The following ZNF800 variants were observed in gnomAD, a reference collection of about 807,000 sequenced individuals.
The protein encoded by ZNF800 is zinc finger protein 800.
ZNF800 carries 13 observed loss-of-function variants against 59.5 expected under a neutral mutation model. That is an observed-to-expected ratio of 0.22 (90% confidence interval 0.14 to 0.35). ZNF800 has a LOEUF of 0.35. Among genes scored for constraint, ZNF800 ranks in the 10% least tolerant of loss-of-function variants. The pLI, the probability that ZNF800 is intolerant of heterozygous loss-of-function variation, is 1.00. For synonymous variants in ZNF800, 266 were observed against 265.7 expected (o/e 1.00, Z -0.01); for missense variants, 621 against 783.7 (o/e 0.79, Z 2.48).
chr7:127,358,815 G>A (rs1169170633), intron 1 of ZNF800, among the ~76,000 whole-genome samples: 1 of 152,008 alleles, frequency 6.6e-6, no homozygotes, highest in Non-Finnish European at 1.5e-5. Context: ...TCAGTGCCTC[G>A]CACGAAGCAG....
At chr7:127,347,389 T>TGGGGGGGGGGGGGGGGGGGGGGG (rs1163306523) in exon 2 of ZNF800, 2 of 37,096 alleles carry the variant, frequency 5.4e-5, no homozygotes, top group African/African-American at 1.0e-4. Context: ...GGCGGGGGGG[T>TGGGGGGGGGGGGGGGGGGGGGGG]GGGGAGGTGG....
At chr7:127,346,129 G>T (rs1800059267), downstream of ZNF800, among the ~76,000 whole-genome samples, 1 of 152,150 alleles carries the variant, frequency 6.6e-6, no homozygotes, top group South Asian at 2.1e-4. Context: ...AAAAAGGAAG[G>T]TTACCAAGGT....
At chr7:127,378,126 T>C (rs1458207727) in intron 3 of ZNF800, among the ~76,000 whole-genome samples, 3 of 152,114 alleles carry the variant, frequency 2.0e-5, no homozygotes, top group East Asian at 3.9e-4. Context: ...AGAATAAGCC[T>C]ATCTTATTTA....
rs576871953 is a variant in ZNF800, at chr7:127,377,541, A to G, written c.158-212T>C. Among the ~76,000 whole-genome samples the G allele has an allele frequency of 5.9e-5, 9 of 152,096 alleles. No homozygotes were observed. In the South Asian group the frequency reaches 1.9e-3, roughly 31 times the overall value. ...CTATCATTTGGAAATCAGGAGAACT[A>G]AAATTGATGCTGTGTTCCCACTTCA... On this transcript the variant is annotated intron_variant, in intron 3 of 5. Coordinates refer to ENST00000265827, the MANE Select transcript of ZNF800 (RefSeq NM_176814.5). The surrounding 1 kb of genome is among the most constrained non-coding windows in gnomAD (Gnocchi z 4.7).
At chr7:127,358,571 TG>T (rs1800323711) in intron 1 of ZNF800, among the ~76,000 whole-genome samples, 1 of 152,146 alleles carries the variant, frequency 6.6e-6, no homozygotes, top group Non-Finnish European at 1.5e-5. Context: ...CTTCTTGATT[TG>T]GCCATTTCCC....
At chr7:127,376,420 T>A (rs924270114) in intron 4 of ZNF800, among the ~76,000 whole-genome samples, 8 of 152,066 alleles carry the variant, frequency 5.3e-5, no homozygotes, top group Non-Finnish European at 1.0e-4. Flanking sequence ...TGAATTTTTT[T>A]AAATTTACAT....
intron 1 of ZNF800, among the ~76,000 whole-genome samples, chr7:127,364,938 C>T (rs1800473803): frequency 6.6e-6 from 1 of 151,998 alleles, no homozygotes; most frequent in Admixed American, 6.6e-5. Context: ...GAAATGATAA[C>T]CAATCAACTC....
At position 127,373,570 on chromosome 7, in the gene ZNF800, T is replaced by C. The variant is rs1406015582; in HGVS notation, c.1766A>G (p.His589Arg). Residue 589 changes from histidine to arginine, a missense_variant, in exon 5 of 6, where the codon CAT (histidine) becomes CGT (arginine). By Grantham distance (29) the His-to-Arg change is conservative. Around this residue, in one of 7 missense-constraint regions of ZNF800, gnomAD observed 94 missense variants for 108.5 expected, o/e 0.87. Transcript: ENST00000265827. ...RDEAKHSDSK[H>R]DGTSNSPSKK... The stretch of plus-strand genomic sequence containing the variant: ...ACTAGGAGAGTTAGAAGTGCCATCA[T>C]GTTTTGAATCACTATGTTTTGCTTC... The C allele has an allele frequency of 6.2e-7, 1 of 1,614,198 alleles. No homozygotes were observed. The highest frequency in any genetic ancestry group is 8.5e-7 in the Non-Finnish European group (1 of 1,180,028).
intron 2 of ZNF800, among the ~76,000 whole-genome samples, chr7:127,390,829 T>G (rs1032020605): frequency 1.3e-5 from 2 of 152,212 alleles, no homozygotes; most frequent in African/African-American, 4.8e-5. Context: ...TAAAGTTTGC[T>G]AGTATTCTTC....
At position 127,370,526 on chromosome 7, in the gene ZNF800, G is replaced by C; in HGVS notation, c.*1288C>G. On this transcript the variant is annotated 3_prime_UTR_variant, in exon 6 of 6. Coordinates refer to ENST00000265827, the MANE Select transcript of ZNF800 (RefSeq NM_176814.5). ...GAAGGTAAATGTTTTTCTAGCTATAGAATCATTTTATTAAGACCTTGTGGA... is the reference window on the plus strand; with the variant it reads ...GAAGGTAAATGTTTTTCTAGCTATACAATCATTTTATTAAGACCTTGTGGA... The C allele has an allele frequency of 6.6e-6, 1 of 152,590 alleles. No individual in the cohort carries two copies. The highest frequency in any genetic ancestry group is 1.9e-4 in the East Asian group (1 of 5,176). 9.5% of individuals were successfully genotyped at this position (152,590 alleles called of 1,614,324 possible). A position where few individuals can be genotyped will look rare whatever the true frequency, so the allele number is the denominator to read the frequency against.
At chr7:127,366,835 G>T (rs1159996190), downstream of ZNF800, among the ~76,000 whole-genome samples, 1 of 152,086 alleles carries the variant, frequency 6.6e-6, no homozygotes, top group Non-Finnish European at 1.5e-5. Flanking sequence ...CTACAGACTG[G>T]CCAGCAACCT....
rs1800700823 is a variant in ZNF800 at position 127,373,752 on chromosome 7, A to G, written c.1584T>C (p.Thr528=). 5.6e-6 allele frequency: 9 copies of G among 1,614,168 alleles called. No homozygotes were observed. Among genetic ancestry groups the G allele is most frequent in the Non-Finnish European group, 7.6e-6 (9 of 1,180,026 alleles). The change falls in exon 5 of 6, where the codon ACT becomes ACC. Residue 528 remains threonine (T), a synonymous_variant. Coordinates refer to ENST00000265827, the MANE Select transcript of ZNF800 (RefSeq NM_176814.5). Reference sequence around the variant, plus strand: ...GTCGTATCACATCACGTTTCCGACGAGTTTCATAAGTGCAAAGAGGACACT... The same window carrying G: ...GTCGTATCACATCACGTTTCCGACGGGTTTCATAAGTGCAAAGAGGACACT... ...FYKCPLCTYE[T]RRKRDVIRHI... is the part of the protein sequence containing the mutation.
At chr7:127,356,631 ATTGTGTG>A (rs1270191693) in intron 1 of ZNF800, among the ~76,000 whole-genome samples, 2 of 152,024 alleles carry the variant, frequency 1.3e-5, no homozygotes, top group East Asian at 3.9e-4. Flanking sequence ...GGTTAATATA[ATTGTGTG>A]TTACAGCAGT....
chr7:127,353,604 G>T (rs555349116), intron 1 of ZNF800, among the ~76,000 whole-genome samples: 9 of 152,274 alleles, frequency 5.9e-5, no homozygotes, highest in African/African-American at 2.2e-4. Flanking sequence ...ATAATACATT[G>T]AGAAGGCCTG....
chr7:127,373,065 T>C (rs1475394707), intron 5 of ZNF800: 2 of 985,290 alleles, frequency 2.0e-6, no homozygotes, highest in African/African-American at 3.5e-5. Context: ...TTTTACAACA[T>C]TAAAAGGAAA....
At position 127,386,101 on chromosome 7, in the gene ZNF800, G is replaced by T. The variant is rs759999531; in HGVS notation, c.116C>A (p.Ser39Tyr). ...AATTATTTGTTGAATACCAGATTTG[G>T]ATGTCTGTAGTGGTTGCTGTAACAA... ...PPLLQQPLQT[S>Y]KSGIQQIIEC... is the part of the protein sequence containing the mutation. Residue 39 changes from serine (S) to tyrosine (Y), a missense_variant, in exon 3 of 6, where the codon TCC becomes TAC. By Grantham distance (144) the Ser-to-Tyr change is moderately radical. This residue lies in a region of ZNF800 where 57 missense variants were observed against 77.1 expected (regional missense o/e 0.74). Coordinates refer to ENST00000265827, the MANE Select transcript of ZNF800 (RefSeq NM_176814.5). 6.2e-7 allele frequency: 1 copy of T among 1,611,768 alleles called. No individual in the cohort carries two copies. The highest frequency in any genetic ancestry group is 1.7e-5 in the Admixed American group (1 of 59,872).
At position 127,392,247 on chromosome 7, in the gene ZNF800, G is replaced by T; in HGVS notation, c.-246C>A. On this transcript the variant is annotated 5_prime_UTR_variant, in exon 1 of 6. Transcript: ENST00000265827. ...TCCCCGCCGGCGCTGACGCGGAAGCGCCACAGCTCACCACGTCCCTCCGCG... is the reference window on the plus strand; with the variant it reads ...TCCCCGCCGGCGCTGACGCGGAAGCTCCACAGCTCACCACGTCCCTCCGCG... The T allele has an allele frequency of 5.1e-6, 2 of 393,586 alleles. No individual in the cohort carries two copies. The highest frequency in any genetic ancestry group is 6.4e-4 in the Middle Eastern group (1 of 1,562). 24.4% of individuals were successfully genotyped at this position (393,586 alleles called of 1,614,324 possible).
At position 127,377,023 on chromosome 7, in the gene ZNF800, C is replaced by T. The variant is rs1271497043; in HGVS notation, c.301+163G>A. ...TAAGAAACTGAATGTAACATTGAGT[C>T]AAGTATTTAATTTTATTCTCCATCT... On this transcript the variant is annotated intron_variant, in intron 4 of 5. Transcript: ENST00000265827. This position sits in a 1 kb window ranked among gnomAD's most constrained non-coding sequence, Gnocchi z 4.7. 1.3e-5 allele frequency among the ~76,000 whole-genome samples: 2 copies of T among 151,890 alleles called. No individual in the cohort carries two copies. Among genetic ancestry groups the T allele is most frequent in the African/African-American group, 4.8e-5 (2 of 41,386 alleles).
chr7:127,374,966 C>T lies in ZNF800; in HGVS notation c.370G>A (p.Val124Met). ...TTAATAATATATTCTCGTTTGTCCA[C>T]ACTTGGATATATGGCTTCTAGGAGA... is the stretch of plus-strand genomic sequence containing the variant. ...NDLLEAIYPS[V>M]DKREYIIKLE... is the part of the protein sequence containing the mutation. The change falls in exon 5 of 6, where the codon GTG (valine) becomes ATG (methionine). Residue 124 changes from valine to methionine, a missense_variant. This residue lies in a region of ZNF800 where 218 missense variants were observed against 230.8 expected (regional missense o/e 0.94). Transcript: ENST00000265827. 6.2e-7 allele frequency: 1 copy of T among 1,612,520 alleles called. No individual in the cohort carries two copies. Among genetic ancestry groups the T allele is most frequent in the Non-Finnish European group, 8.5e-7 (1 of 1,179,464 alleles).
Sources: allele counts gnomAD v4.1 joint callset (sites outside exome capture counted in the v4.1 genomes callset), GRCh38; gene constraint gnomAD v4.1.1; regional missense constraint gnomAD v4.1.1; non-coding constraint Gnocchi (gnomAD v3.1); transcripts MANE v1.5; gene names NCBI Gene and HGNC (gene_info 2026-07-23, HGNC 2026-07-21).